The following SESTD1 variants were observed in gnomAD, a reference collection of about 807,000 sequenced individuals.
SESTD1 encodes SEC14 and spectrin domain containing 1, also known as SEC14 domain and spectrin repeat-containing protein 1.
SESTD1 carries 43 observed loss-of-function variants against 101.7 expected under a neutral mutation model. That is an observed-to-expected ratio of 0.42 (90% CI 0.33 to 0.55). SESTD1 has a LOEUF of 0.55. Among genes scored for constraint, SESTD1 ranks in the 20% least tolerant of loss-of-function variants. The probability of loss-of-function intolerance (pLI) is 0.07; values close to 1 mark genes in which losing one functional copy is unlikely to be tolerated. For missense variants in SESTD1, 647 were observed against 815.1 expected, an observed-to-expected ratio of 0.79 and a Z score of 2.51; for synonymous variants, 283 against 286.8, an observed-to-expected ratio of 0.99 and a Z score of 0.13.
At chr2:179,123,612 A>C (rs1362580881) in intron 12 of SESTD1, 103 bp downstream of exon 12, 2 of 686,068 alleles carry the variant, frequency 2.9e-6, no homozygotes, top group African/African-American at 3.6e-5. Flanking sequence ...TCCTGAAAAT[A>C]ATACTAATTA....
intron 1 of SESTD1, among the ~76,000 whole-genome samples, chr2:179,196,853 G>A (rs1230308208): frequency 6.6e-6 from 1 of 152,142 alleles, no homozygotes; most frequent in Non-Finnish European, 1.5e-5. Flanking sequence ...CCACAAAGAT[G>A]GGGAAAAAAC....
rs2047036354 is a variant in SESTD1 at position 179,234,544 on chromosome 2, G to A, written c.-26+29955C>T. ...TGCAATCCCAGCACTTTGTGGGGCT[G>A]AGGCGGGTAGATCACTTGGGGTCAG... is the stretch of plus-strand genomic sequence containing the variant. On this transcript the variant is annotated intron_variant, in intron 1 of 17. Transcript: ENST00000428443. Among the ~76,000 whole-genome samples the A allele has an allele frequency of 2.0e-5, 3 of 152,192 alleles. No individual in the cohort carries two copies. In the East Asian group the frequency reaches 5.8e-4, roughly 29 times the overall value.
intron 1 of SESTD1, among the ~76,000 whole-genome samples, chr2:179,249,686 AAAAAG>A (rs1019828046): frequency 7.2e-5 from 11 of 152,190 alleles, no homozygotes; most frequent in Admixed American, 7.2e-4. Flanking sequence ...ACAGAGGCAA[AAAAAG>A]AATACCTAAA....
intron 9 of SESTD1, among the ~76,000 whole-genome samples, chr2:179,143,013 T>C (rs2045313311): frequency 6.6e-6 from 1 of 152,208 alleles, no homozygotes; most frequent in Non-Finnish European, 1.5e-5. Flanking sequence ...AGATTTATTT[T>C]CTTAATTATT....
At chr2:179,149,705 T>C (rs748359250) in intron 6 of SESTD1, among the ~76,000 whole-genome samples, 1 of 152,242 alleles carries the variant, frequency 6.6e-6, no homozygotes, top group East Asian at 1.9e-4. Flanking sequence ...ACTACATACA[T>C]GTAATTTAGA....
chr2:179,217,844 G>A (rs1021514192), intron 1 of SESTD1, among the ~76,000 whole-genome samples: 36 of 152,266 alleles, frequency 2.4e-4, no homozygotes, highest in Admixed American at 6.5e-4. Context: ...CATGGATGAA[G>A]CTGGAAACCA....
In SESTD1 at chr2:179,132,522, AT is replaced by A. The variant is rs1182441065; in HGVS notation, c.850-97del. Reference sequence around the variant, plus strand: ...TTTCCCCTCCCAAAGTTCCCCAATTATTTTTAATGTAAATTATTTACATTCT... The same window carrying A: ...TTTCCCCTCCCAAAGTTCCCCAATTATTTTAATGTAAATTATTTACATTCT... On this transcript the variant is annotated intron_variant, in intron 9 of 17. Transcript: ENST00000428443. 14 of 1,360,368 alleles carry A rather than the reference AT, an allele frequency of 1.0e-5. No homozygotes were observed. In the East Asian group the frequency reaches 3.3e-4, roughly 32 times the overall value. The allele number at this position is 1,360,368 out of a possible 1,614,324, so 84.3% of individuals were successfully genotyped here.
intron 5 of SESTD1, among the ~76,000 whole-genome samples, chr2:179,168,313 T>C (rs1290434186): frequency 6.6e-6 from 1 of 152,244 alleles, no homozygotes; most frequent in South Asian, 2.1e-4. Context: ...CTTATTTTAT[T>C]GTAAGAATAC....
chr2:179,246,498 TCTCTC>T (rs1234366066), intron 1 of SESTD1, among the ~76,000 whole-genome samples: 1 of 152,162 alleles, frequency 6.6e-6, no homozygotes, highest in African/African-American at 2.4e-5. Flanking sequence ...TCTTTCTCTC[TCTCTC>T]AAGTGTTTAT....
intron 8 of SESTD1, among the ~76,000 whole-genome samples, chr2:179,145,459 C>A (rs1158578006): frequency 6.6e-6 from 1 of 152,006 alleles, no homozygotes; most frequent in Non-Finnish European, 1.5e-5. Flanking sequence ...ATGTAAAGTG[C>A]TCAGACAGTA....
chr2:179,227,757 G>A (rs989424157), intron 1 of SESTD1, among the ~76,000 whole-genome samples: 1 of 152,082 alleles, frequency 6.6e-6, no homozygotes, highest in African/African-American at 2.4e-5. Context: ...TGGAGCTCTT[G>A]ACATTACTAG....
At chr2:179,187,833 GA>G (rs2046257217) in intron 2 of SESTD1, among the ~76,000 whole-genome samples, 1 of 152,050 alleles carries the variant, frequency 6.6e-6, no homozygotes, top group Non-Finnish European at 1.5e-5. Flanking sequence ...ATAGGACAAA[GA>G]AGAGCATTAC....
At chr2:179,169,733 G>A (rs527905357) in intron 5 of SESTD1, among the ~76,000 whole-genome samples, 3 of 152,212 alleles carry the variant, frequency 2.0e-5, no homozygotes, top group African/African-American at 4.8e-5. Flanking sequence ...TGTAATCCCA[G>A]CACTTTGGGA....
Position 179,113,122 on chromosome 2 carries a change from A to G in SESTD1, c.1840-277T>C, listed in dbSNP as rs77899405. Among the ~76,000 whole-genome samples, 671 of 152,334 alleles carry G rather than the reference A, an allele frequency of 4.4e-3. 2 individuals carry two copies. Among genetic ancestry groups the G allele is most frequent in the African/African-American group, 0.015 (620 of 41,580 alleles). ...TACTAACAATATGGTGATTTCCAAG[A>G]AAGAAAATAACTAGACTACTATTTG... is the stretch of plus-strand genomic sequence containing the variant. On this transcript the variant is annotated intron_variant, in intron 16 of 17. Coordinates refer to ENST00000428443, the MANE Select transcript of SESTD1 (RefSeq NM_178123.5).
Position 179,205,379 on chromosome 2 carries a change from T to C in SESTD1, c.-25-13513A>G, listed in dbSNP as rs1371274981. On this transcript the variant is annotated intron_variant, in intron 1 of 17. Coordinates refer to ENST00000428443, the MANE Select transcript of SESTD1 (RefSeq NM_178123.5). The stretch of plus-strand genomic sequence containing the variant: ...GCAGGTGACTCATGGATAAAATCTA[T>C]TAATATTATTGAAGATTTCCAAGTC... 2.2e-5 allele frequency among the ~76,000 whole-genome samples: 3 copies of C among 134,780 alleles called. 1 individual carries two copies. Among genetic ancestry groups the C allele is most frequent in the Non-Finnish European group, 4.8e-5 (3 of 62,784 alleles). 88.4% of individuals were successfully genotyped at this position (134,780 alleles called of 152,430 possible).
chr2:179,184,218 TG>T (rs1347595653), intron 2 of SESTD1, among the ~76,000 whole-genome samples: 1 of 152,166 alleles, frequency 6.6e-6, no homozygotes, highest in African/African-American at 2.4e-5. Flanking sequence ...CCTACATGTT[TG>T]AATTTCATAC....
At chr2:179,174,154 A>G (rs959098483) in intron 4 of SESTD1, among the ~76,000 whole-genome samples, 1 of 152,194 alleles carries the variant, frequency 6.6e-6, no homozygotes, top group Non-Finnish European at 1.5e-5. Context: ...AAGCTGTGAG[A>G]AAGAAGAGAA....
At chr2:179,191,936 GT>G (rs2046325647) in intron 1 of SESTD1, 70 bp from the exon 2 acceptor site, 1 of 1,054,176 alleles carries the variant, frequency 9.5e-7, no homozygotes, top group East Asian at 2.4e-5. Flanking sequence ...CCTAATGATG[GT>G]TTATCCCAGA....
At position 179,143,513 on chromosome 2, in the gene SESTD1, A is replaced by G. The variant is rs1559111037; in HGVS notation, c.849+79T>C. The G allele has an allele frequency of 3.9e-6, 5 of 1,276,828 alleles. No individual in the cohort carries two copies. In the Admixed American group the frequency reaches 5.4e-5, roughly 14 times the overall value. The allele number at this position is 1,276,828 out of a possible 1,614,324, so 79.1% of individuals were successfully genotyped here. A position where few individuals can be genotyped will look rare whatever the true frequency, so the allele number is the denominator to read the frequency against. Reference sequence around the variant, plus strand: ...TTCTAAGGTTTTCTATATAGTGTATATAAGACTTAATAGTCAGTCACATAG... The same window carrying G: ...TTCTAAGGTTTTCTATATAGTGTATGTAAGACTTAATAGTCAGTCACATAG... On this transcript the variant is annotated intron_variant, in intron 9 of 17. Coordinates refer to ENST00000428443, the MANE Select transcript of SESTD1 (RefSeq NM_178123.5).
Sources: gnomAD v4.1 joint callset for allele counts (sites outside exome capture counted in the v4.1 genomes callset) on GRCh38, gnomAD v4.1.1 for gene constraint, MANE v1.5 for transcripts, NCBI Gene and HGNC (gene_info 2026-07-23, HGNC 2026-07-21) for gene names.